The following HEPH variants were observed in gnomAD, a reference collection of about 807,000 sequenced individuals.
The protein encoded by HEPH is hephaestin.
Under a neutral mutation model 80.8 loss-of-function variants are expected in HEPH, and 69 were observed. The ratio of observed to expected loss-of-function variants is 0.85; its 90% CI spans 0.70 to 1.04. The LOEUF (loss-of-function observed/expected upper bound fraction) is 1.04, where lower values mean the gene tolerates loss of function less well. Ranked by LOEUF, HEPH falls within the 50% of genes least tolerant of loss-of-function variation. The pLI, the probability that HEPH is intolerant of heterozygous loss-of-function variation, is 0.00. For missense variants in HEPH, 1,115 were observed against 891.3 expected (o/e 1.25, Z -3.20); for synonymous variants, 431 against 322.8 (o/e 1.34, Z -3.60).
At chrX:66,222,936 A>T (rs1296102137) in intron 15 of HEPH, among the ~76,000 whole-genome samples, 1 of 111,519 alleles carries the variant, frequency 9.0e-6, no homozygotes, top group Non-Finnish European at 1.9e-5. Flanking sequence ...AAAGAGTTAA[A>T]TTTTTCTTAG....
chrX:66,263,838 A>G (rs2091442567), intron 20 of HEPH, 150 bp downstream of exon 20: 1 of 539,183 alleles, frequency 1.9e-6, no homozygotes, highest in Non-Finnish European at 3.0e-6. Context: ...AGACTTCAGA[A>G]GCCAAAGAAC....
intron 9 of HEPH, among the ~76,000 whole-genome samples, chrX:66,197,029 G>C (rs1445145770): frequency 9.2e-6 from 1 of 108,716 alleles, no homozygotes. Context: ...ATTACAATTT[G>C]TAAAATCTTT....
At chrX:66,222,778 A>G (rs1481085944) in intron 15 of HEPH, among the ~76,000 whole-genome samples, 1 of 111,974 alleles carries the variant, frequency 8.9e-6, no homozygotes, top group African/African-American at 3.3e-5. Context: ...TCTGAAGTAG[A>G]GAGCTGTCTT....
rs780242403 is a variant in HEPH, at chrX:66,192,173, C to A, written c.1107C>A (p.Ala369=). Residue 369 remains alanine (A), a synonymous_variant, in exon 7 of 21, where the codon GCC becomes GCA. Transcript: ENST00000343002. ...ALYKVKSCSM[A]PPVDLLTGKV... ...ACAAGGTCAAGTCTTGCTCCATGGCCCCTCCTGTGGACCTGCTCACAGGCA... is the reference window on the plus strand; with the variant it reads ...ACAAGGTCAAGTCTTGCTCCATGGCACCTCCTGTGGACCTGCTCACAGGCA... 2.5e-6 allele frequency: 3 copies of A among 1,207,949 alleles called. No homozygotes were observed. The highest frequency in any genetic ancestry group is 3.5e-5 in the African/African-American group (2 of 56,957).
Position 66,195,192 on chromosome X carries a change from T to C in HEPH, c.1464T>C (p.Phe488=). The change falls in exon 9 of 21, where the codon TTT becomes TTC. Residue 488 remains phenylalanine (F), a synonymous_variant. Coordinates refer to ENST00000343002, the MANE Select transcript of HEPH (RefSeq NM_001367233.3). ...TCAGCATGCAGCCCCATGGGGTCTT[T>C]TATGAGAAAGACTATGAAGGCACTG... ...QPFSMQPHGV[F]YEKDYEGTVY... 8.3e-7 allele frequency: 1 copy of C among 1,200,971 alleles called. No individual in the cohort carries two copies. The highest frequency in any genetic ancestry group is 1.8e-5 in the South Asian group (1 of 54,530).
intron 15 of HEPH, among the ~76,000 whole-genome samples, chrX:66,236,139 A>T (rs1218617559): frequency 9.0e-6 from 1 of 111,070 alleles, no homozygotes; most frequent in Non-Finnish European, 1.9e-5. Flanking sequence ...AACTTCCAAT[A>T]CTATGTTGAT....
intron 3 of HEPH, 152 bp downstream of exon 3, chrX:66,172,751 G>T: frequency 1.8e-6 from 1 of 551,220 alleles, no homozygotes; most frequent in South Asian, 4.4e-5. Flanking sequence ...ACAAGGGTGG[G>T]CACTGGTATC....
chrX:66,206,157 G>A (rs948885910), intron 13 of HEPH, among the ~76,000 whole-genome samples: 1 of 109,804 alleles, frequency 9.1e-6, no homozygotes, highest in Non-Finnish European at 1.9e-5. Flanking sequence ...CCCTCTGGTT[G>A]CAGCAGTAGT....
intron 4 of HEPH, among the ~76,000 whole-genome samples, chrX:66,174,346 C>A (rs2086716260): frequency 8.9e-6 from 1 of 111,765 alleles, no homozygotes; most frequent in Admixed American, 9.5e-5. Flanking sequence ...TAATTCATTC[C>A]TTTTTATTGC....
intron 15 of HEPH, among the ~76,000 whole-genome samples, chrX:66,210,398 C>CA (rs1462571903): frequency 2.7e-5 from 3 of 111,494 alleles, no homozygotes; most frequent in Non-Finnish European, 5.7e-5. Flanking sequence ...TTAGGCAGAA[C>CA]AATTTTAGGT....
At chrX:66,214,001 T>C (rs191197713) in intron 15 of HEPH, among the ~76,000 whole-genome samples, 69 of 112,506 alleles carry the variant, frequency 6.1e-4, no homozygotes, top group African/African-American at 2.2e-3. Flanking sequence ...CAGTTTCTTT[T>C]ATCTCAGCAC....
At chrX:66,249,549 C>A (rs2090935326) in intron 15 of HEPH, among the ~76,000 whole-genome samples, 1 of 111,219 alleles carries the variant, frequency 9.0e-6, no homozygotes, top group South Asian at 3.8e-4. Flanking sequence ...GCACTGAGGA[C>A]ACAATTGAGA....
intron 19 of HEPH, among the ~76,000 whole-genome samples, chrX:66,261,454 C>A (rs1255389478): frequency 4.5e-5 from 5 of 110,023 alleles, no homozygotes; most frequent in Middle Eastern, 4.7e-3. Flanking sequence ...TCTTAAGGTT[C>A]TTGACCTGAG....
intron 20 of HEPH, among the ~76,000 whole-genome samples, chrX:66,265,904 A>G (rs150475639): frequency 7.1e-4 from 80 of 111,953 alleles, no homozygotes; most frequent in African/African-American, 2.6e-3. Flanking sequence ...TGTGTATGCC[A>G]AGAACTAACA....
At chrX:66,188,977 A>G (rs762275470) in intron 5 of HEPH, among the ~76,000 whole-genome samples, 12 of 112,777 alleles carry the variant, frequency 1.1e-4, no homozygotes, top group Non-Finnish European at 2.2e-4. Context: ...TACCTTGCTT[A>G]TATCTCCCAT....
chrX:66,252,019 A>T (rs2091021852), intron 15 of HEPH, among the ~76,000 whole-genome samples: 1 of 111,892 alleles, frequency 8.9e-6, no homozygotes, highest in African/African-American at 3.2e-5. Context: ...TGGCTATTGT[A>T]GTTTTTCAGG....
chrX:66,228,875 A>T (rs924789477), intron 15 of HEPH, among the ~76,000 whole-genome samples: 1 of 112,214 alleles, frequency 8.9e-6, no homozygotes. Flanking sequence ...AATAAAAAAA[A>T]GTAATGGATG....
intron 13 of HEPH, among the ~76,000 whole-genome samples, chrX:66,206,444 C>T (rs1450571089): frequency 1.1e-5 from 1 of 92,258 alleles, no homozygotes; most frequent in African/African-American, 4.1e-5. Flanking sequence ...CTCACAGCAA[C>T]CTCTGCCTCC....
intron 17 of HEPH, among the ~76,000 whole-genome samples, chrX:66,258,050 AT>A (rs1019500512): frequency 8.9e-5 from 10 of 111,824 alleles, no homozygotes; most frequent in Non-Finnish European, 1.7e-4. Flanking sequence ...TGTGGCAGGT[AT>A]TTTTTTAACA....
Sources: allele counts gnomAD v4.1 joint callset (sites outside exome capture counted in the v4.1 genomes callset), GRCh38; gene constraint gnomAD v4.1.1; transcripts MANE v1.5; gene names NCBI Gene and HGNC (gene_info 2026-07-23, HGNC 2026-07-21).